QKI: variants seen among roughly 807,000 people sequenced by gnomAD.
QKI encodes QKI, KH domain containing RNA binding, also known as KH domain-containing RNA-binding protein QKI.
In QKI, 10 loss-of-function variants were observed where a neutral mutation model predicts 39.0. That is an observed-to-expected ratio of 0.26 (90% CI 0.16 to 0.43). The LOEUF (loss-of-function observed/expected upper bound fraction) is 0.43. QKI is among the 20% of genes least tolerant of loss of function. QKI has a pLI of 1.00. For synonymous variants in QKI, 204 were observed against 155.4 expected, an observed-to-expected ratio of 1.31 and a Z score of -2.33; for missense variants, 218 against 428.0, an observed-to-expected ratio of 0.51 and a Z score of 4.33.
chr6:163,563,459 C>T lies in QKI; in HGVS notation c.674C>T (p.Ala225Val), dbSNP rs2128250665. 6.2e-7 allele frequency: 1 copy of T among 1,613,672 alleles called. No homozygotes were observed. The highest frequency in any genetic ancestry group is 8.5e-7 in the Non-Finnish European group (1 of 1,179,716). Residue 225 changes from alanine to valine, a missense_variant, in exon 6 of 8, where the codon GCT becomes GTT. Ala to Val is a moderately conservative substitution (Grantham distance 64, BLOSUM62 0). Coordinates refer to ENST00000361752, the MANE Select transcript of QKI (RefSeq NM_006775.3). ...TCTCTTGCAGCAACAGCCCAGGCTG[C>T]TCCAAGGATCATTACTGGGCCTGCG... ...AFSLAATAQA[A>V]PRIITGPAPV... is the part of the protein sequence containing the mutation.
At chr6:163,505,725 G>A (rs1779051648) in intron 3 of QKI, among the ~76,000 whole-genome samples, 1 of 152,166 alleles carries the variant, frequency 6.6e-6, no homozygotes, top group South Asian at 2.1e-4. Flanking sequence ...CATGGGAGAA[G>A]GGATTTTCCT....
chr6:163,468,712 C>T (rs955026879), intron 2 of QKI, among the ~76,000 whole-genome samples: 4 of 151,884 alleles, frequency 2.6e-5, no homozygotes, highest in African/African-American at 7.3e-5. Context: ...CTTTTTCTTT[C>T]CCTTCTTTTG....
chr6:163,568,104 G>A, intron 7 of QKI: 2 of 985,384 alleles, frequency 2.0e-6, no homozygotes, highest in Non-Finnish European at 2.4e-6. Flanking sequence ...TAAGTGTTCT[G>A]TATGAGCACG....
chr6:163,443,277 T>TA (rs1240015083), intron 1 of QKI, among the ~76,000 whole-genome samples: 3 of 152,202 alleles, frequency 2.0e-5, no homozygotes, highest in South Asian at 2.1e-4. Flanking sequence ...CTTAAGCCTT[T>TA]AAAAAACTCT....
chr6:163,563,347 A>G (rs1783147956), intron 5 of QKI, 73 bp from the exon 6 acceptor site: 1 of 1,283,464 alleles, frequency 7.8e-7, no homozygotes, highest in East Asian at 2.4e-5. Context: ...TCTTTTTCCT[A>G]CTCCCTTCTC....
At chr6:163,423,753 C>T (rs1264606932) in intron 1 of QKI, among the ~76,000 whole-genome samples, 3 of 152,208 alleles carry the variant, frequency 2.0e-5, no homozygotes, top group Admixed American at 1.3e-4. Flanking sequence ...TCAGCTCATT[C>T]ACTTCTTTGT....
chr6:163,418,845 G>C (rs1186717592), intron 1 of QKI, among the ~76,000 whole-genome samples: 1 of 152,174 alleles, frequency 6.6e-6, no homozygotes, highest in Non-Finnish European at 1.5e-5. Flanking sequence ...AGAAGGTGAA[G>C]AGTACGGTCT....
intron 1 of QKI, among the ~76,000 whole-genome samples, chr6:163,452,288 G>T (rs1790626086): frequency 6.6e-6 from 1 of 152,146 alleles, no homozygotes; most frequent in African/African-American, 2.4e-5. Context: ...TTAAGTCCTT[G>T]AGGACTGGAA....
chr6:163,422,436 G>T (rs1788066513), intron 1 of QKI, among the ~76,000 whole-genome samples: 4 of 152,104 alleles, frequency 2.6e-5, no homozygotes, highest in Admixed American at 2.6e-4. Flanking sequence ...GTATCGGAAA[G>T]AACATAATTA....
At chr6:163,557,525 A>T (rs1782707989) in intron 4 of QKI, among the ~76,000 whole-genome samples, 1 of 152,166 alleles carries the variant, frequency 6.6e-6, no homozygotes, top group Admixed American at 6.5e-5. Flanking sequence ...CGATGGTTCC[A>T]GAGGCTGGGA....
chr6:163,570,073 A>G, intron 7 of QKI: 1 of 986,262 alleles, frequency 1.0e-6, no homozygotes, highest in Non-Finnish European at 1.2e-6. Flanking sequence ...TTGTATCATG[A>G]GGCCAAGAAA....
At chr6:163,479,341 G>A (rs1464923485) in intron 3 of QKI, among the ~76,000 whole-genome samples, 2 of 152,146 alleles carry the variant, frequency 1.3e-5, no homozygotes, top group Non-Finnish European at 2.9e-5. Context: ...TTTTAAAGGT[G>A]TTGTCATGAT....
chr6:163,456,794 A>G (rs1300900599), intron 2 of QKI, among the ~76,000 whole-genome samples: 1 of 152,170 alleles, frequency 6.6e-6, no homozygotes, highest in East Asian at 1.9e-4. Flanking sequence ...GTTGGAAAAC[A>G]AAGTGCCATG....
intron 4 of QKI, among the ~76,000 whole-genome samples, chr6:163,552,256 C>CGGA (rs1320436819): frequency 2.1e-5 from 3 of 142,146 alleles, no homozygotes; most frequent in Non-Finnish European, 3.0e-5. Context: ...TTGCCTAGGC[C>CGGA]GGAGTGCAGT....
At chr6:163,493,152 A>G (rs1315891383) in intron 3 of QKI, among the ~76,000 whole-genome samples, 2 of 135,900 alleles carry the variant, frequency 1.5e-5, no homozygotes, top group African/African-American at 5.5e-5. Context: ...TTTTTTTGAG[A>G]TGGAGTTTTG....
intron 1 of QKI, among the ~76,000 whole-genome samples, chr6:163,430,030 G>A (rs1788704692): frequency 6.6e-6 from 1 of 152,124 alleles, no homozygotes; most frequent in African/African-American, 2.4e-5. Context: ...AATTTCATCT[G>A]GCTCTTAAAG....
At chr6:163,470,666 A>T (rs973178630) in intron 2 of QKI, among the ~76,000 whole-genome samples, 1 of 152,176 alleles carries the variant, frequency 6.6e-6, no homozygotes, top group Non-Finnish European at 1.5e-5. Flanking sequence ...TAAGTTTTCA[A>T]TGTGGAAGGA....
chr6:163,416,125 G>C (rs1456941542), intron 1 of QKI, among the ~76,000 whole-genome samples: 1 of 151,862 alleles, frequency 6.6e-6, no homozygotes, highest in Non-Finnish European at 1.5e-5. Flanking sequence ...AGAAGAACTT[G>C]GGCGGAGGGT....
chr6:163,489,388 T>C (rs1482181515), intron 3 of QKI, among the ~76,000 whole-genome samples: 1 of 151,290 alleles, frequency 6.6e-6, no homozygotes, highest in Non-Finnish European at 1.5e-5. Context: ...TGCAGGAGAT[T>C]GAGCATCTGT....
Sources: gnomAD v4.1 joint callset for allele counts (sites outside exome capture counted in the v4.1 genomes callset) on GRCh38, gnomAD v4.1.1 for gene constraint, MANE v1.5 for transcripts, NCBI Gene and HGNC (gene_info 2026-07-23, HGNC 2026-07-21) for gene names.